OR6K3: variants seen among roughly 807,000 people sequenced by gnomAD.
OR6K3 encodes olfactory receptor 6K3.
For synonymous variants in OR6K3, 169 were observed against 137.7 expected (o/e 1.23, Z -1.59); for missense variants, 396 against 382.5 (o/e 1.04, Z -0.29).
rs1571569255 is a variant in OR6K3, at chr1:158,717,293, G to A, written c.823C>T (p.Leu275=). 6.2e-7 allele frequency: 1 copy of A among 1,613,642 alleles called. No individual in the cohort carries two copies. The highest frequency in any genetic ancestry group is 1.1e-5 in the South Asian group (1 of 91,076). Residue 275 remains leucine, a synonymous_variant, in exon 2 of 2, where the codon CTG becomes TTG. Coordinates refer to ENST00000368145, the MANE Select transcript of OR6K3 (RefSeq NM_001005327.3). ...YPPVLDTAIA[L]MFTVLAPFFN... Reference sequence around the variant, plus strand: ...AATGGAGCAAGTACAGTAAACATCAGTGCAATGGCTGTGTCCAAAACTGGT... The same window carrying A: ...AATGGAGCAAGTACAGTAAACATCAATGCAATGGCTGTGTCCAAAACTGGT...
chr1:158,717,462 T>G lies in OR6K3; in HGVS notation c.654A>C (p.Val218=), dbSNP rs1656178659. 2.5e-6 allele frequency: 4 copies of G among 1,613,698 alleles called. No individual in the cohort carries two copies. In the East Asian group the frequency reaches 6.7e-5, roughly 27 times the overall value. ...TCCTCAATATCACAGTGACAATTCTTACATAGGACAGGGCAATGATTAGGA... is the reference window on the plus strand; with the variant it reads ...TCCTCAATATCACAGTGACAATTCTGACATAGGACAGGGCAATGATTAGGA... ...ITFLIIALSY[V]RIVTVILRIP... The change falls in exon 2 of 2, where the codon GTA becomes GTC. Residue 218 remains valine, a synonymous_variant. Coordinates refer to ENST00000368145, the MANE Select transcript of OR6K3 (RefSeq NM_001005327.3).
upstream of OR6K3, among the ~76,000 whole-genome samples, chr1:158,721,390 G>T (rs953060738): frequency 6.6e-6 from 1 of 151,874 alleles, no homozygotes; most frequent in African/African-American, 2.4e-5. Flanking sequence ...TGTTGAAATT[G>T]CAAAGTTCTC....
upstream of OR6K3, among the ~76,000 whole-genome samples, chr1:158,722,166 A>C (rs1656294463): frequency 6.6e-6 from 1 of 151,986 alleles, no homozygotes; most frequent in African/African-American, 2.4e-5. Context: ...GCAAAACTAA[A>C]ATCATTGTTT....
At position 158,717,831 on chromosome 1, in the gene OR6K3, A is replaced by T; in HGVS notation, c.285T>A (p.Thr95=). The T allele has an allele frequency of 1.2e-6, 2 of 1,613,854 alleles. No homozygotes were observed. The highest frequency in any genetic ancestry group is 1.7e-6 in the Non-Finnish European group (2 of 1,179,822). ...LISEKKAISM[T]GCILQMYFFH... is the part of the protein sequence containing the mutation. Reference sequence around the variant, plus strand: ...AGAAATACATCTGCAAGATGCAGCCAGTCATTGAGATGGCCTTCTTTTCAC... The same window carrying T: ...AGAAATACATCTGCAAGATGCAGCCTGTCATTGAGATGGCCTTCTTTTCAC... The change falls in exon 2 of 2, where the codon ACT becomes ACA. Residue 95 remains threonine (T), a synonymous_variant. Coordinates refer to ENST00000368145, the MANE Select transcript of OR6K3 (RefSeq NM_001005327.3).
At chr1:158,723,156 C>T (rs899196227), upstream of OR6K3, among the ~76,000 whole-genome samples, 1 of 151,914 alleles carries the variant, frequency 6.6e-6, no homozygotes, top group Non-Finnish European at 1.5e-5. Flanking sequence ...AATGCATAGA[C>T]ATTTTAAAGG....
chr1:158,720,851 G>T (rs1169795110), upstream of OR6K3: 3 of 151,992 alleles, frequency 2.0e-5, no homozygotes, highest in African/African-American at 7.2e-5. Context: ...GCACTGAAGT[G>T]AATCACCTTC....
chr1:158,720,830 T>C (rs1376424177), upstream of OR6K3: 2 of 151,988 alleles, frequency 1.3e-5, no homozygotes, highest in African/African-American at 4.8e-5. Context: ...GGAGGATTCT[T>C]CCCCTCCACT....
At position 158,718,012 on chromosome 1, in the gene OR6K3, T is replaced by C. The variant is rs1429761262; in HGVS notation, c.104A>G (p.Tyr35Cys). Residue 35 changes from tyrosine (Y) to cysteine (C), a missense_variant, in exon 2 of 2, where the codon TAT (tyrosine) becomes TGT (cysteine). Tyr to Cys is a radical substitution (Grantham distance 194, BLOSUM62 -2). Coordinates refer to ENST00000368145, the MANE Select transcript of OR6K3 (RefSeq NM_001005327.3). ...LLYFFPLLFI[Y>C]TFIIIDNLLI... ...TAAGTTATCAATGATAATAAAAGTA[T>C]AGATGAAAAGTAAAGGAAAGAAGTA... is the stretch of plus-strand genomic sequence containing the variant. 3.7e-6 allele frequency: 6 copies of C among 1,612,430 alleles called. No homozygotes were observed. The highest frequency in any genetic ancestry group is 3.4e-6 in the Non-Finnish European group (4 of 1,178,928).
chr1:158,722,077 C>T (rs1323832581), upstream of OR6K3, among the ~76,000 whole-genome samples: 1 of 151,928 alleles, frequency 6.6e-6, no homozygotes, highest in Non-Finnish European at 1.5e-5. Flanking sequence ...CTCTCTCTCT[C>T]TCTTTAACTG....
chr1:158,721,476 C>T (rs981524540), upstream of OR6K3, among the ~76,000 whole-genome samples: 18 of 151,772 alleles, frequency 1.2e-4, no homozygotes, highest in Non-Finnish European at 2.2e-4. Flanking sequence ...AATAGGAAGA[C>T]GTGCTTTCTG....
At position 158,717,724 on chromosome 1, in the gene OR6K3, C is replaced by T. The variant is rs140112633; in HGVS notation, c.392G>A (p.Arg131His). Residue 131 changes from arginine (R) to histidine (H), a missense_variant, in exon 2 of 2, where the codon CGC becomes CAC. Physicochemically the swap from Arg to His is conservative, Grantham distance 29. Transcript: ENST00000368145. ...CCGGGGGGTCATGATCATTTGATAG[C>T]GAAGAGGGTTGCAGATGGCAACGTA... ...DRYVAICNPLRYQMIMTPRLC... is the reference protein window; with the variant it reads ...DRYVAICNPLHYQMIMTPRLC... The T allele has an allele frequency of 2.3e-5, 37 of 1,613,546 alleles. No homozygotes were observed. The highest frequency in any genetic ancestry group is 4.0e-5 in the African/African-American group (3 of 74,840).
intron 1 of OR6K3, 65 bp downstream of exon 1, chr1:158,720,609 AGATGATGAT>A (rs71579628): frequency 1.3e-5 from 2 of 151,330 alleles, no homozygotes; most frequent in East Asian, 3.9e-4. Context: ...TCAGGTTATG[AGATGATGAT>A]GATGATGATG....
intron 1 of OR6K3, among the ~76,000 whole-genome samples, chr1:158,719,795 T>A (rs773440964): frequency 1.7e-4 from 26 of 152,066 alleles, no homozygotes; most frequent in Non-Finnish European, 3.7e-4. Flanking sequence ...TAACTAAACA[T>A]TTTATAATAA....
rs1405687545 is a variant in OR6K3, at chr1:158,717,546, T to C, written c.570A>G (p.Thr190=). ...DLVPVLSLAC[T]DTSMILIEDV... is the part of the protein sequence containing the mutation. ...CCTCAATCAGAATCATGGACGTGTC[T>C]GTACAGGCCAGGCTTAGCACAGGGA... Residue 190 remains threonine, a synonymous_variant, in exon 2 of 2, where the codon ACA becomes ACG. Coordinates refer to ENST00000368145, the MANE Select transcript of OR6K3 (RefSeq NM_001005327.3). The C allele has an allele frequency of 6.2e-7, 1 of 1,613,778 alleles. No individual in the cohort carries two copies. The highest frequency in any genetic ancestry group is 8.5e-7 in the Non-Finnish European group (1 of 1,179,802).
chr1:158,719,497 C>T (rs1656242829), intron 1 of OR6K3, among the ~76,000 whole-genome samples: 1 of 152,032 alleles, frequency 6.6e-6, no homozygotes, highest in Non-Finnish European at 1.5e-5. Context: ...CCTGCAATCC[C>T]ATTGTTCATG....
chr1:158,719,153 T>G (rs1188368179), intron 1 of OR6K3, among the ~76,000 whole-genome samples: 1 of 151,806 alleles, frequency 6.6e-6, no homozygotes, highest in Non-Finnish European at 1.5e-5. Flanking sequence ...CCCAGATAGC[T>G]TTAAAGGCAG....
At chr1:158,718,251 C>T in intron 1 of OR6K3, 119 bp from the exon 2 acceptor site, 7 of 625,726 alleles carry the variant, frequency 1.1e-5, no homozygotes, top group Non-Finnish European at 1.9e-5. Flanking sequence ...CATTTTTTTT[C>T]CTGACTTTAA....
At position 158,716,826 on chromosome 1, in the gene OR6K3, C is replaced by G. The variant is rs1043157172; in HGVS notation, c.*342G>C. On this transcript the variant is annotated 3_prime_UTR_variant, in exon 2 of 2. Coordinates refer to ENST00000368145, the MANE Select transcript of OR6K3 (RefSeq NM_001005327.3). ...CTAATATGTTAGACAAACATTAAAGCAATGGAAAGGGCCAGATGCGGTGGC... is the reference window on the plus strand; with the variant it reads ...CTAATATGTTAGACAAACATTAAAGGAATGGAAAGGGCCAGATGCGGTGGC... 1.8e-4 allele frequency: 37 copies of G among 210,860 alleles called. No homozygotes were observed. The highest frequency in any genetic ancestry group is 8.4e-4 in the African/African-American group (36 of 43,112). 13.1% of individuals were successfully genotyped at this position (210,860 alleles called of 1,614,324 possible). A position where few individuals can be genotyped will look rare whatever the true frequency, so the allele number is the denominator to read the frequency against.
At chr1:158,722,878 C>T (rs530041164), upstream of OR6K3, among the ~76,000 whole-genome samples, 2 of 152,014 alleles carry the variant, frequency 1.3e-5, no homozygotes, top group South Asian at 4.1e-4. Flanking sequence ...AAATTATTTT[C>T]TTTTCTAGAA....
Sources: gnomAD v4.1 joint callset for allele counts (sites outside exome capture counted in the v4.1 genomes callset) on GRCh38, gnomAD v4.1.1 for gene constraint, MANE v1.5 for transcripts, NCBI Gene and HGNC (gene_info 2026-07-23, HGNC 2026-07-21) for gene names.